REG3A: variants seen among roughly 807,000 people sequenced by gnomAD.
REG3A encodes regenerating islet-derived protein 3-alpha.
In REG3A, 15 loss-of-function variants were observed where a neutral mutation model predicts 20.5. That is an observed-to-expected ratio of 0.73 (90% CI 0.49 to 1.12). The LOEUF is 1.12. Among genes scored for constraint, REG3A ranks in the 50% most tolerant of loss-of-function variants. The pLI is 0.00. For missense variants in REG3A, 224 were observed against 213.1 expected (o/e 1.05, Z -0.32); for synonymous variants, 93 against 83.2 (o/e 1.12, Z -0.64).
At chr2:79,158,806 A>C in intron 2 of REG3A, 37 bp from the exon 3 acceptor site, 2 of 1,506,290 alleles carry the variant, frequency 1.3e-6, no homozygotes, top group African/African-American at 1.4e-5. Flanking sequence ...TAAAATGAAG[A>C]GTGGGGCTTG....
rs569038111 is a variant in REG3A, at chr2:79,158,187, CT to C, written c.333+138del. The C allele has an allele frequency of 1.6e-5, 16 of 1,028,840 alleles. No homozygotes were observed. In the African/African-American group the frequency reaches 1.9e-4, roughly 12 times the overall value. 63.7% of individuals were successfully genotyped at this position (1,028,840 alleles called of 1,614,324 possible). A position where few individuals can be genotyped will look rare whatever the true frequency, so the allele number is the denominator to read the frequency against. On this transcript the variant is annotated intron_variant, in intron 4 of 5. Coordinates refer to ENST00000305165, the MANE Select transcript of REG3A (RefSeq NM_002580.3). The stretch of plus-strand genomic sequence containing the variant: ...ATCTTCAGATGCTTCATGGCCTTCC[CT>C]TTCCCCCCAAATATTCCCCAGAATC...
At position 79,157,758 on chromosome 2, in the gene REG3A, GC is replaced by G; in HGVS notation, c.334-61del. ...TGGCCATTGCAGCTCTTCTTGCATG[GC>G]CCCTTAGCTGCAACACCTGATTTGC... is the stretch of plus-strand genomic sequence containing the variant. On this transcript the variant is annotated intron_variant, in intron 4 of 5. Coordinates refer to ENST00000305165, the MANE Select transcript of REG3A (RefSeq NM_002580.3). 3.8e-6 allele frequency: 6 copies of G among 1,568,074 alleles called. No individual in the cohort carries two copies. In the South Asian group the frequency reaches 7.2e-5, roughly 19 times the overall value.
rs200652760 is a variant in REG3A, at chr2:79,157,623, G to T, written c.409C>A (p.Pro137Thr). 1 of 1,614,138 alleles carries T rather than the reference G, an allele frequency of 6.2e-7. No individual in the cohort carries two copies. The highest frequency in any genetic ancestry group is 1.3e-5 in the African/African-American group (1 of 75,024). Residue 137 changes from proline to threonine, a missense_variant, in exon 5 of 6, where the codon CCC becomes ACC. Physicochemically the swap from Pro to Thr is conservative, Grantham distance 38. Transcript: ENST00000305165. ...VMNYFAWERN[P>T]STISSPGHCA... ...TGGCCGGGGCTTGAGATGGTGGAGG[G>T]ATTTCTCTCCCATGCAAAGTAATTC... is the stretch of plus-strand genomic sequence containing the variant.
chr2:79,157,524 G>A, intron 5 of REG3A, 48 bp downstream of exon 5: 9 of 1,603,482 alleles, frequency 5.6e-6, no homozygotes, highest in Non-Finnish European at 7.7e-6. Flanking sequence ...CCAGGAATGG[G>A]GGATGAGATG....
Position 79,158,643 on chromosome 2 carries a change from C to G in REG3A, c.195+8G>C. 1 of 1,613,870 alleles carries G rather than the reference C, an allele frequency of 6.2e-7. No individual in the cohort carries two copies. Among genetic ancestry groups the G allele is most frequent in the Non-Finnish European group, 8.5e-7 (1 of 1,179,704 alleles). ...CGGTCACCTCCAACACCACATCTAA[C>G]CACTCACATCTGCATCTGTCCAGGA... On this transcript the variant is annotated splice_region_variant and intron_variant, in intron 3 of 5. Transcript: ENST00000305165.
chr2:79,159,490 T>C (rs1377635250), intron 1 of REG3A, 51 bp from the exon 2 acceptor site: 1 of 1,361,204 alleles, frequency 7.3e-7, no homozygotes, highest in Admixed American at 1.7e-5. Context: ...CACTGCCTCA[T>C]GTCATTTTCC....
intron 4 of REG3A, 22 bp downstream of exon 4, chr2:79,158,304 A>C (rs369580605): frequency 5.0e-6 from 8 of 1,609,870 alleles, no homozygotes; most frequent in Non-Finnish European, 6.8e-6. Flanking sequence ...GAGGTAACAG[A>C]GAGGGGAGGA....
chr2:79,158,157 C>T (rs974853936), intron 4 of REG3A, among the ~76,000 whole-genome samples, 169 bp downstream of exon 4: 4 of 152,140 alleles, frequency 2.6e-5, no homozygotes, highest in Admixed American at 1.3e-4. Context: ...CTCCACAGAA[C>T]TCAGATCTTC....
intron 1 of REG3A, 126 bp downstream of exon 1, chr2:79,159,601 TC>T (rs1673402627): frequency 1.7e-6 from 1 of 589,962 alleles, no homozygotes; most frequent in Non-Finnish European, 3.0e-6. Context: ...CCCCGAGCCC[TC>T]CCAGGACACC....
intron 5 of REG3A, 73 bp from the exon 6 acceptor site, chr2:79,157,366 T>A (rs1673338576): frequency 1.3e-6 from 2 of 1,520,674 alleles, no homozygotes; most frequent in Non-Finnish European, 1.8e-6. Flanking sequence ...CATCCCAGGT[T>A]TTAGCCTAGA....
rs1322985825 is a variant in REG3A, at chr2:79,157,311, A to G, written c.461-18T>C. On this transcript the variant is annotated intron_variant, in intron 5 of 5. Coordinates refer to ENST00000305165, the MANE Select transcript of REG3A (RefSeq NM_002580.3). ...CAGAAATGCTGGAGAGACAGAAGAC[A>G]TAAATGGAATGGGGCTGAGGAAGCT... 2 of 1,609,602 alleles carry G rather than the reference A, an allele frequency of 1.2e-6. No homozygotes were observed. Among genetic ancestry groups the G allele is most frequent in the Non-Finnish European group, 1.7e-6 (2 of 1,175,964 alleles).
chr2:79,158,711 C>T lies in REG3A; in HGVS notation c.135G>A (p.Lys45=), dbSNP rs777098727. The stretch of plus-strand genomic sequence containing the variant: ...AGGCATAGCAGTGGGAGCCATAGGC[C>T]TTGGAGCCTTTGGGACAGCGGATCC... ...SARIRCPKGS[K]AYGSHCYALF... The change falls in exon 3 of 6, where the codon AAG becomes AAA. Residue 45 remains lysine (K), a synonymous_variant. Coordinates refer to ENST00000305165, the MANE Select transcript of REG3A (RefSeq NM_002580.3). 1.9e-6 allele frequency: 3 copies of T among 1,614,030 alleles called. No individual in the cohort carries two copies. Among genetic ancestry groups the T allele is most frequent in the South Asian group, 1.1e-5 (1 of 91,076 alleles).
intron 1 of REG3A, 95 bp downstream of exon 1, chr2:79,159,633 C>T: frequency 1.9e-6 from 1 of 538,388 alleles, no homozygotes; most frequent in Non-Finnish European, 3.3e-6. Flanking sequence ...CTCAGAGTTC[C>T]TGTGCTCCCT....
At position 79,157,700 on chromosome 2, in the gene REG3A, T is replaced by C. The variant is rs780812802; in HGVS notation, c.334-2A>G. 1.2e-6 allele frequency: 2 copies of C among 1,613,616 alleles called. No individual in the cohort carries two copies. Among genetic ancestry groups the C allele is most frequent in the East Asian group, 2.2e-5 (1 of 44,856 alleles). ...ACCTTCTCCATTGGGCTCGGTGCCC[T>C]GTAGAGTAGAGGAGGTAGCCAGGTG... is the stretch of plus-strand genomic sequence containing the variant. On this transcript the variant is annotated splice_acceptor_variant, in intron 4 of 5. Transcript: ENST00000305165. LOFTEE classifies it high-confidence loss of function.
chr2:79,157,536 A>G (rs1334187838), intron 5 of REG3A, 36 bp downstream of exon 5: 6 of 1,607,808 alleles, frequency 3.7e-6, no homozygotes, highest in Non-Finnish European at 3.4e-6. Flanking sequence ...GATGAGATGG[A>G]AAACACTGGG....
At chr2:79,159,226 T>C in intron 2 of REG3A, 104 bp downstream of exon 2, 2 of 1,249,626 alleles carry the variant, frequency 1.6e-6, no homozygotes, top group South Asian at 2.5e-5. Context: ...GGCAGGTTCA[T>C]TAGACACCAC....
chr2:79,158,815 T>G, intron 2 of REG3A, 46 bp from the exon 3 acceptor site: 69 of 1,438,060 alleles, frequency 4.8e-5, no homozygotes, highest in Middle Eastern at 1.8e-4. Flanking sequence ...GAGTGGGGCT[T>G]GGGGTGGGAG....
Position 79,157,585 on chromosome 2 carries a change from C to A in REG3A, c.447G>T (p.Leu149=), listed in dbSNP as rs764993153. ...TCTGTTTCTTACCTGTGCTTCTCGA[C>A]AGGCTCGCACAGTGGCCGGGGCTTG... The part of the protein sequence containing the change: ...TISSPGHCAS[L]SRSTAFLRWK... The change falls in exon 5 of 6, where the codon CTG becomes CTT. Residue 149 remains leucine (L), a synonymous_variant. Transcript: ENST00000305165. 1 of 1,614,030 alleles carries A rather than the reference C, an allele frequency of 6.2e-7. No homozygotes were observed. The highest frequency in any genetic ancestry group is 2.2e-5 in the East Asian group (1 of 44,876).
chr2:79,158,343 G>T lies in REG3A; in HGVS notation c.316C>A (p.Leu106Ile). 6.2e-7 allele frequency: 1 copy of T among 1,613,966 alleles called. No individual in the cohort carries two copies. The highest frequency in any genetic ancestry group is 1.3e-5 in the African/African-American group (1 of 75,036). The change falls in exon 4 of 6, where the codon CTC becomes ATC. Residue 106 changes from leucine to isoleucine, a missense_variant. Leu to Ile is a conservative substitution (Grantham distance 5, BLOSUM62 2). Coordinates refer to ENST00000305165, the MANE Select transcript of REG3A (RefSeq NM_002580.3). ...ACTGGCACCTGTGTGGGGTCATGGA[G>T]CCCAATCCAGACGTATGAGTAGCTG... ...GNSYSYVWIG[L>I]HDPTQGTEPN...
Sources: allele counts gnomAD v4.1 joint callset (sites outside exome capture counted in the v4.1 genomes callset), GRCh38; gene constraint gnomAD v4.1.1; transcripts MANE v1.5; gene names NCBI Gene and HGNC (gene_info 2026-07-23, HGNC 2026-07-21).